Variants in ASIC2 observed in about 807,000 individuals in gnomAD.
ASIC2 encodes the protein acid-sensing ion channel 2.
Under a neutral mutation model 57.3 loss-of-function variants are expected in ASIC2, and 25 were observed. The ratio of observed to expected loss-of-function variants is 0.44; its 90% CI spans 0.32 to 0.61. The LOEUF (loss-of-function observed/expected upper bound fraction) is 0.61. Ranked by LOEUF, ASIC2 falls within the 20% of genes least tolerant of loss-of-function variation. The pLI is 0.06. For missense variants in ASIC2, 641 were observed against 738.1 expected, an observed-to-expected ratio of 0.87 and a Z score of 1.52; for synonymous variants, 319 against 307.5, an observed-to-expected ratio of 1.04 and a Z score of -0.39.
intron 1 of ASIC2, among the ~76,000 whole-genome samples, chr17:33,788,772 G>A (rs1431634630): frequency 6.6e-6 from 1 of 152,100 alleles, no homozygotes; most frequent in Non-Finnish European, 1.5e-5. Context: ...GAAACCGGAA[G>A]CCATCATCCT....
At chr17:33,711,453 T>C (rs1393768378) in intron 1 of ASIC2, among the ~76,000 whole-genome samples, 1 of 152,212 alleles carries the variant, frequency 6.6e-6, no homozygotes, top group African/African-American at 2.4e-5. Flanking sequence ...GTGGCGGGGC[T>C]GGGAGCAATG....
At chr17:33,665,702 G>A (rs1293023014) in intron 1 of ASIC2, among the ~76,000 whole-genome samples, 1 of 152,176 alleles carries the variant, frequency 6.6e-6, no homozygotes, top group Non-Finnish European at 1.5e-5. Flanking sequence ...AAGTTCAGTG[G>A]TCTTTCCACA....
rs529515522 is a variant in ASIC2 at position 33,565,411 on chromosome 17, C to T, written c.556-453344G>A. On this transcript the variant is annotated intron_variant, in intron 1 of 9. Coordinates refer to the ASIC2 transcript ENST00000359872. ...GCAGGGCTGGGACTTGAAAGCAGAA[C>T]TTCTGCCTCCATATCTGTGCACACA... Among the ~76,000 whole-genome samples, 4 of 152,318 alleles carry T rather than the reference C, an allele frequency of 2.6e-5. No homozygotes were observed. In the East Asian group the frequency reaches 7.7e-4, roughly 29 times the overall value.
At chr17:33,212,669 G>A (rs574353799) in intron 1 of ASIC2, among the ~76,000 whole-genome samples, 1 of 152,318 alleles carries the variant, frequency 6.6e-6, no homozygotes, top group South Asian at 2.1e-4. Flanking sequence ...TGTGTCAAGG[G>A]CAAGAAAGGA....
intron 1 of ASIC2, among the ~76,000 whole-genome samples, chr17:33,799,386 C>CT (rs1166152747): frequency 1.1e-3 from 28 of 26,348 alleles, no homozygotes; most frequent in African/African-American, 1.6e-3. Context: ...TCCTTTCTTT[C>CT]TTTCTTTCTT....
intron 1 of ASIC2, among the ~76,000 whole-genome samples, chr17:33,917,005 C>G (rs1915598676): frequency 6.6e-6 from 1 of 152,144 alleles, no homozygotes; most frequent in Non-Finnish European, 1.5e-5. Flanking sequence ...GACATCATCT[C>G]TCTACCATAT....
intron 1 of ASIC2, among the ~76,000 whole-genome samples, chr17:33,360,680 T>G (rs1245291469): frequency 2.6e-5 from 4 of 152,230 alleles, no homozygotes; most frequent in Non-Finnish European, 2.9e-5. Flanking sequence ...TCACAATTCT[T>G]TGTTTATTTC....
At chr17:33,858,841 G>T (rs1914031888) in intron 1 of ASIC2, among the ~76,000 whole-genome samples, 2 of 152,230 alleles carry the variant, frequency 1.3e-5, no homozygotes, top group Non-Finnish European at 1.5e-5. Context: ...AGGCAGATGT[G>T]TACTGTGGTT....
rs78579776 is a variant in ASIC2 at position 34,126,836 on chromosome 17, G to A, written c.555+29142C>T. On this transcript the variant is annotated intron_variant, in intron 1 of 9. Coordinates refer to the ASIC2 transcript ENST00000359872. ...TGCAGAGCTGAGCGGGGCCTGAGGC[G>A]CTGCATTTCTACCCAGCTTCCAGGT... Among the ~76,000 whole-genome samples, 1,490 of 152,258 alleles carry A rather than the reference G, an allele frequency of 9.8e-3. 20 individuals are homozygous for A. Among genetic ancestry groups the A allele is most frequent in the African/African-American group, 0.034 (1,410 of 41,542 alleles).
rs982363942 is a variant in ASIC2, at chr17:33,492,248, T to G, written c.556-380181A>C. On this transcript the variant is annotated intron_variant, in intron 1 of 9. Coordinates refer to the ASIC2 transcript ENST00000359872. ...TTCCGTGTGGTGAGGGCTATTACTG[T>G]TCCCATTTCACGGATGAGGAAACTG... 2.0e-5 allele frequency among the ~76,000 whole-genome samples: 3 copies of G among 152,230 alleles called. No homozygotes were observed. In the East Asian group the frequency reaches 5.8e-4, roughly 29 times the overall value.
At chr17:33,028,100 C>T in intron 4 of ASIC2, 142 bp downstream of exon 4, 1 of 1,197,332 alleles carries the variant, frequency 8.4e-7, no homozygotes, top group Non-Finnish European at 1.1e-6. Flanking sequence ...TCTTAATAGG[C>T]ACCAAATAAC....
At chr17:33,950,535 G>A (rs1904526248) in intron 1 of ASIC2, among the ~76,000 whole-genome samples, 1 of 152,250 alleles carries the variant, frequency 6.6e-6, no homozygotes, top group South Asian at 2.1e-4. Context: ...GGAAGGTGGG[G>A]TTGGGAGATG....
intron 1 of ASIC2, among the ~76,000 whole-genome samples, chr17:33,428,409 G>C (rs1217214436): frequency 1.3e-5 from 2 of 152,170 alleles, no homozygotes; most frequent in Non-Finnish European, 2.9e-5. Flanking sequence ...CAACAAAGCA[G>C]GGATTAGGTA....
intron 1 of ASIC2, among the ~76,000 whole-genome samples, chr17:33,547,821 G>A (rs751878903): frequency 1.3e-5 from 2 of 152,162 alleles, no homozygotes; most frequent in Non-Finnish European, 2.9e-5. Flanking sequence ...TGCTAGACCA[G>A]TCTCCCCACC....
At chr17:33,820,527 T>C (rs1222284515) in intron 1 of ASIC2, among the ~76,000 whole-genome samples, 1 of 152,236 alleles carries the variant, frequency 6.6e-6, no homozygotes, top group African/African-American at 2.4e-5. Flanking sequence ...GTTGGCTTTT[T>C]TCCCCTTTGA....
chr17:33,512,009 G>A (rs1311500264), intron 1 of ASIC2, among the ~76,000 whole-genome samples: 4 of 152,160 alleles, frequency 2.6e-5, no homozygotes, highest in African/African-American at 9.7e-5. Context: ...TGCAATAAGG[G>A]GAAAGCACAT....
At chr17:33,659,608 C>T (rs369578870) in intron 1 of ASIC2, among the ~76,000 whole-genome samples, 111 of 152,230 alleles carry the variant, frequency 7.3e-4, no homozygotes, top group African/African-American at 2.4e-3. Flanking sequence ...CGGTGGCTCA[C>T]GCCTGTAATC....
At chr17:33,027,538 C>A (rs2141902720) in intron 4 of ASIC2, among the ~76,000 whole-genome samples, 1 of 152,292 alleles carries the variant, frequency 6.6e-6, no homozygotes, top group Non-Finnish European at 1.5e-5. Context: ...TATATCCTAG[C>A]CTAATTTTCA....
intron 1 of ASIC2, among the ~76,000 whole-genome samples, chr17:33,545,855 G>A (rs1416244995): frequency 6.6e-6 from 1 of 151,982 alleles, no homozygotes; most frequent in African/African-American, 2.4e-5. Flanking sequence ...TTACGTTCTG[G>A]GTCCTACATT....
Sources: gnomAD v4.1 joint callset for allele counts (sites outside exome capture counted in the v4.1 genomes callset) on GRCh38, gnomAD v4.1.1 for gene constraint, MANE v1.5 for transcripts, NCBI Gene and HGNC (gene_info 2026-07-23, HGNC 2026-07-21) for gene names.